LRRC4C: variants seen among roughly 807,000 people sequenced by gnomAD.
LRRC4C encodes the protein leucine rich repeat containing 4C.
In LRRC4C, 5 loss-of-function variants were observed where a neutral mutation model predicts 33.6. The observed-to-expected ratio is 0.15, with a 90% CI of 0.08 to 0.31. The LOEUF (loss-of-function observed/expected upper bound fraction) is 0.31. Among genes scored for constraint, LRRC4C ranks in the 10% least tolerant of loss-of-function variants. The pLI, the probability that LRRC4C is intolerant of heterozygous loss-of-function variation, is 1.00. For synonymous variants in LRRC4C, 329 were observed against 302.0 expected, an observed-to-expected ratio of 1.09 and a Z score of -0.93; for missense variants, 560 against 796.7, an observed-to-expected ratio of 0.70 and a Z score of 3.58.
intron 1 of LRRC4C, among the ~76,000 whole-genome samples, chr11:41,145,028 A>C (rs2135931894): frequency 6.6e-6 from 1 of 152,300 alleles, no homozygotes; most frequent in Non-Finnish European, 1.5e-5. Flanking sequence ...AAATAGAGAT[A>C]ATAACATTGT....
At chr11:40,185,481 C>A (rs1028850486) in intron 5 of LRRC4C, among the ~76,000 whole-genome samples, 6 of 152,102 alleles carry the variant, frequency 3.9e-5, no homozygotes, top group African/African-American at 1.4e-4. Flanking sequence ...ATGCTACTAT[C>A]TCTAGGAGGA....
At chr11:40,553,731 A>G (rs557059258) in intron 3 of LRRC4C, among the ~76,000 whole-genome samples, 1 of 152,256 alleles carries the variant, frequency 6.6e-6, no homozygotes, top group South Asian at 2.1e-4. Context: ...TCTTGTATAT[A>G]TTCTTTTAAG....
At chr11:41,399,107 T>A (rs979250736) in intron 1 of LRRC4C, among the ~76,000 whole-genome samples, 1 of 151,904 alleles carries the variant, frequency 6.6e-6, no homozygotes, top group African/African-American at 2.4e-5. Flanking sequence ...CCATCACTAG[T>A]TTTGTGTCCA....
chr11:41,185,196 ATAG>A (rs1210823619), intron 1 of LRRC4C, among the ~76,000 whole-genome samples: 1 of 152,200 alleles, frequency 6.6e-6, no homozygotes. Flanking sequence ...CAAAAAATAA[ATAG>A]TAGGTAGTAT....
intron 2 of LRRC4C, among the ~76,000 whole-genome samples, chr11:40,879,845 T>C (rs1240956750): frequency 1.3e-5 from 2 of 152,160 alleles, no homozygotes; most frequent in African/African-American, 2.4e-5. Context: ...ATGTTATTGT[T>C]GATTGTATTT....
chr11:40,479,068 G>A (rs1953403617), intron 3 of LRRC4C, among the ~76,000 whole-genome samples: 1 of 151,892 alleles, frequency 6.6e-6, no homozygotes, highest in Admixed American at 6.6e-5. Context: ...TGAGAGAATG[G>A]GGCTTGGACT....
chr11:41,325,086 A>G (rs187260810), intron 1 of LRRC4C, among the ~76,000 whole-genome samples: 97 of 152,342 alleles, frequency 6.4e-4, no homozygotes, highest in South Asian at 4.3e-3. Context: ...TGGTTATAAG[A>G]TTTAAAAAAT....
At chr11:40,163,705 G>A (rs1339980773) in intron 5 of LRRC4C, among the ~76,000 whole-genome samples, 1 of 152,050 alleles carries the variant, frequency 6.6e-6, no homozygotes, top group African/African-American at 2.4e-5. Flanking sequence ...AATACCACAC[G>A]AAAGAGAATT....
chr11:40,922,852 G>A (rs1481786703), intron 2 of LRRC4C, among the ~76,000 whole-genome samples: 2 of 152,068 alleles, frequency 1.3e-5, no homozygotes, highest in South Asian at 2.1e-4. Flanking sequence ...CAGAAGCAGA[G>A]TCTCATTCTG....
In LRRC4C at chr11:40,944,708, G is replaced by A. The variant is rs956992629; in HGVS notation, c.-495-10985C>T. ...GATTCTGCAAACACCTGGTAGGTTT[G>A]GTCATTTTTACCCTGAAATAATGCT... On this transcript the variant is annotated intron_variant, in intron 1 of 6. Coordinates refer to ENST00000528697, the MANE Select transcript of LRRC4C (RefSeq NM_001258419.2). 2.0e-5 allele frequency among the ~76,000 whole-genome samples: 3 copies of A among 152,034 alleles called. No homozygotes were observed. The South Asian group carries it at 6.2e-4, about 32-fold the overall frequency.
chr11:40,471,450 C>T (rs1191182522), intron 3 of LRRC4C, among the ~76,000 whole-genome samples: 1 of 152,052 alleles, frequency 6.6e-6, no homozygotes, highest in Admixed American at 6.6e-5. Flanking sequence ...TTGTAAAGGC[C>T]ATTGACACTA....
In LRRC4C at chr11:40,599,293, A is replaced by T. The variant is rs372813707; in HGVS notation, c.-270+48849T>A. 4.1e-3 allele frequency among the ~76,000 whole-genome samples: 470 copies of T among 113,346 alleles called. 1 individual carries two copies. Among genetic ancestry groups the T allele is most frequent in the African/African-American group, 0.011 (402 of 36,126 alleles). The allele number at this position is 113,346 out of a possible 152,430, so 74.4% of individuals were successfully genotyped here. ...GTGAGACCTATCTCTACAAAAATTT[A>T]AAAAAAAAATCACCAGGTTTCGTGG... On this transcript the variant is annotated intron_variant, in intron 3 of 6. Coordinates refer to ENST00000528697, the MANE Select transcript of LRRC4C (RefSeq NM_001258419.2).
chr11:40,654,525 C>G (rs1382737337), intron 2 of LRRC4C, among the ~76,000 whole-genome samples: 1 of 152,206 alleles, frequency 6.6e-6, no homozygotes, highest in Admixed American at 6.5e-5. Context: ...TGGCCAATTT[C>G]TCCCATTTTG....
intron 2 of LRRC4C, among the ~76,000 whole-genome samples, chr11:40,776,902 C>G (rs1950021959): frequency 6.6e-6 from 1 of 151,974 alleles, no homozygotes; most frequent in Admixed American, 6.6e-5. Flanking sequence ...TTTTTTGCAT[C>G]CCAAATATTT....
At chr11:40,658,154 G>T (rs1375786850) in intron 2 of LRRC4C, among the ~76,000 whole-genome samples, 1 of 152,162 alleles carries the variant, frequency 6.6e-6, no homozygotes, top group South Asian at 2.1e-4. Context: ...TCCCTTATAT[G>T]TGTCCTTTAT....
intron 2 of LRRC4C, among the ~76,000 whole-genome samples, chr11:40,909,641 G>A (rs1289899000): frequency 6.6e-6 from 1 of 151,984 alleles, no homozygotes; most frequent in Non-Finnish European, 1.5e-5. Context: ...CTCTTGATCA[G>A]TTATATTATG....
chr11:40,138,656 T>G (rs753848607), intron 6 of LRRC4C, among the ~76,000 whole-genome samples: 1 of 152,240 alleles, frequency 6.6e-6, no homozygotes, highest in Non-Finnish European at 1.5e-5. Flanking sequence ...GCAGTGAATT[T>G]TGTAGGGTTA....
chr11:41,265,770 C>G (rs751678732), intron 1 of LRRC4C, among the ~76,000 whole-genome samples: 1 of 151,984 alleles, frequency 6.6e-6, no homozygotes, highest in Non-Finnish European at 1.5e-5. Flanking sequence ...AGGAGGGACT[C>G]TGAAAAAATT....
chr11:40,580,734 G>A (rs999985100), intron 3 of LRRC4C, among the ~76,000 whole-genome samples: 6 of 152,100 alleles, frequency 3.9e-5, no homozygotes, highest in Non-Finnish European at 8.8e-5. Context: ...AGAATTGCTG[G>A]TGATGAAATT....
Sources: allele counts gnomAD v4.1 joint callset (sites outside exome capture counted in the v4.1 genomes callset), GRCh38; gene constraint gnomAD v4.1.1; transcripts MANE v1.5; gene names NCBI Gene and HGNC (gene_info 2026-07-23, HGNC 2026-07-21).